The following SYN3 variants were observed in gnomAD, a reference collection of about 807,000 sequenced individuals.
SYN3 encodes the protein synapsin-3.
Under a neutral mutation model 65.8 loss-of-function variants are expected in SYN3, and 35 were observed. The ratio of observed to expected loss-of-function variants is 0.53; its 90% CI spans 0.41 to 0.70. SYN3 has a LOEUF of 0.70. Ranked by LOEUF, SYN3 falls within the 30% of genes least tolerant of loss-of-function variation. The pLI is 0.00. For missense variants in SYN3, 680 were observed against 749.0 expected (o/e 0.91, Z 1.08); for synonymous variants, 270 against 292.9 (o/e 0.92, Z 0.80).
chr22:33,023,452 T>C (rs1421713060), intron 1 of SYN3, among the ~76,000 whole-genome samples: 1 of 152,256 alleles, frequency 6.6e-6, no homozygotes, highest in African/African-American at 2.4e-5. Flanking sequence ...CCCAGCCATG[T>C]GGAACTGGAA....
chr22:33,022,688 G>T (rs1007891098), intron 1 of SYN3, among the ~76,000 whole-genome samples: 4 of 152,140 alleles, frequency 2.6e-5, no homozygotes, highest in Non-Finnish European at 5.9e-5. Flanking sequence ...GAACACCCCA[G>T]GGTGTCAGGA....
At chr22:32,864,253 T>C (rs1252383030) in intron 6 of SYN3, among the ~76,000 whole-genome samples, 2 of 152,178 alleles carry the variant, frequency 1.3e-5, no homozygotes, top group Non-Finnish European at 2.9e-5. Context: ...GACCATCAAC[T>C]ATGCAAGCAG....
intron 6 of SYN3, among the ~76,000 whole-genome samples, chr22:32,783,822 C>A (rs929838354): frequency 6.6e-6 from 1 of 152,206 alleles, no homozygotes; most frequent in East Asian, 1.9e-4. Context: ...TTGGCACAAA[C>A]CAATCTCATC....
intron 6 of SYN3, among the ~76,000 whole-genome samples, chr22:32,619,304 G>A (rs1273242881): frequency 1.3e-5 from 2 of 152,094 alleles, no homozygotes; most frequent in Non-Finnish European, 2.9e-5. Flanking sequence ...AATTTAAATG[G>A]CACATAGACC....
Position 33,006,599 on chromosome 22 carries a change from T to C in SYN3, c.64A>G (p.Met22Val), listed in dbSNP as rs2053205475. Residue 22 changes from methionine to valine, a missense_variant, in exon 2 of 14, where the codon ATG becomes GTG. Transcript: ENST00000358763. ...CTATCTGGGCGTTGCAGGTCCGTCA[T>C]ATAGCCATTAGGCAGGTTGGCCATG... ...SFMANLPNGY[M>V]TDLQRPDSST... 2.5e-6 allele frequency: 4 copies of C among 1,612,492 alleles called. No homozygotes were observed. Among genetic ancestry groups the C allele is most frequent in the Non-Finnish European group, 3.4e-6 (4 of 1,179,204 alleles).
At chr22:32,761,486 G>A (rs369180331) in intron 6 of SYN3, among the ~76,000 whole-genome samples, 1 of 152,186 alleles carries the variant, frequency 6.6e-6, no homozygotes, top group African/African-American at 2.4e-5. Context: ...GGAAGGGAGT[G>A]GGGGGACAAC....
chr22:32,642,447 A>AT (rs1201174771), intron 6 of SYN3, among the ~76,000 whole-genome samples: 4 of 150,800 alleles, frequency 2.7e-5, no homozygotes, highest in African/African-American at 4.9e-5. Context: ...TTTTTATTTT[A>AT]TTTTTTTAAT....
At chr22:32,539,923 G>A (rs759406898) in intron 8 of SYN3, among the ~76,000 whole-genome samples, 2 of 152,206 alleles carry the variant, frequency 1.3e-5, no homozygotes, top group Non-Finnish European at 2.9e-5. Flanking sequence ...AACTCAGAGG[G>A]GGCAGGGAGG....
intron 6 of SYN3, among the ~76,000 whole-genome samples, chr22:32,650,954 T>C (rs542177464): frequency 1.5e-3 from 233 of 152,286 alleles, no homozygotes; most frequent in Non-Finnish European, 2.5e-3. Flanking sequence ...GGAAAGTCTT[T>C]GTGGGGAACA....
chr22:32,649,362 A>G (rs2060028853), intron 6 of SYN3, among the ~76,000 whole-genome samples: 1 of 152,182 alleles, frequency 6.6e-6, no homozygotes, highest in South Asian at 2.1e-4. Flanking sequence ...ATGGTTTATT[A>G]TGTTTCAAAA....
chr22:32,991,923 T>C (rs1436224971), intron 2 of SYN3, among the ~76,000 whole-genome samples: 1 of 152,212 alleles, frequency 6.6e-6, no homozygotes, highest in African/African-American at 2.4e-5. Context: ...AAGGGCTTCC[T>C]AGACGTTCTG....
At chr22:32,880,885 T>C (rs553627099) in intron 4 of SYN3, among the ~76,000 whole-genome samples, 1 of 152,228 alleles carries the variant, frequency 6.6e-6, no homozygotes, top group Non-Finnish European at 1.5e-5. Flanking sequence ...GCACCCAGCA[T>C]GGCAATTGCA....
At chr22:32,535,800 C>G (rs2058155951) in intron 9 of SYN3, among the ~76,000 whole-genome samples, 1 of 152,160 alleles carries the variant, frequency 6.6e-6, no homozygotes, top group South Asian at 2.1e-4. Context: ...GGCCCTGCTC[C>G]CCTCCTGCCA....
chr22:32,998,928 T>A (rs11704179), intron 2 of SYN3, among the ~76,000 whole-genome samples: 2 of 152,106 alleles, frequency 1.3e-5, no homozygotes, highest in African/African-American at 4.8e-5. Context: ...TCCTCCACCG[T>A]GTGTTCTGTG....
intron 7 of SYN3, among the ~76,000 whole-genome samples, chr22:32,594,411 C>T (rs1395016594): frequency 4.6e-5 from 7 of 152,114 alleles, no homozygotes; most frequent in Non-Finnish European, 1.0e-4. Context: ...GATGGTAACT[C>T]ACCCAAGTTT....
intron 6 of SYN3, among the ~76,000 whole-genome samples, chr22:32,747,423 T>C (rs762398239): frequency 3.3e-5 from 5 of 152,190 alleles, no homozygotes; most frequent in Admixed American, 6.5e-5. Context: ...TCTCATCCCA[T>C]CAATATTTAA....
chr22:32,550,966 G>C (rs2058405707), intron 7 of SYN3, among the ~76,000 whole-genome samples: 1 of 152,210 alleles, frequency 6.6e-6, no homozygotes, highest in African/African-American at 2.4e-5. Context: ...GACTTCAATA[G>C]ATTGAAATAC....
chr22:32,756,560 C>T (rs781032652), intron 6 of SYN3, among the ~76,000 whole-genome samples: 5 of 152,108 alleles, frequency 3.3e-5, no homozygotes, highest in Non-Finnish European at 5.9e-5. Context: ...AGATGTAATC[C>T]CAGTGTTAGA....
intron 7 of SYN3, among the ~76,000 whole-genome samples, chr22:32,553,667 T>C (rs1417382068): frequency 6.6e-6 from 1 of 152,174 alleles, no homozygotes; most frequent in Non-Finnish European, 1.5e-5. Flanking sequence ...TTTTTTGAAA[T>C]GGTGGTTTCT....
Sources: gnomAD v4.1 joint callset for allele counts (sites outside exome capture counted in the v4.1 genomes callset) on GRCh38, gnomAD v4.1.1 for gene constraint, MANE v1.5 for transcripts, NCBI Gene and HGNC (gene_info 2026-07-23, HGNC 2026-07-21) for gene names.